Variants in EPHA6 observed in about 807,000 individuals in gnomAD.
EPHA6 encodes the protein EPH receptor A6.
Under a neutral mutation model 112.0 loss-of-function variants are expected in EPHA6, and 50 were observed. That is an observed-to-expected ratio of 0.45 (90% CI 0.36 to 0.56). The LOEUF (loss-of-function observed/expected upper bound fraction) is 0.56. Among genes scored for constraint, EPHA6 ranks in the 20% least tolerant of loss-of-function variants. The pLI is 0.00. For synonymous variants in EPHA6, 529 were observed against 490.7 expected, an observed-to-expected ratio of 1.08 and a Z score of -1.03; for missense variants, 1,280 against 1,417.4, an observed-to-expected ratio of 0.90 and a Z score of 1.56.
intron 2 of EPHA6, among the ~76,000 whole-genome samples, chr3:96,938,368 C>T (rs539490842): frequency 6.6e-6 from 1 of 150,562 alleles, no homozygotes; most frequent in Admixed American, 6.6e-5. Context: ...CTCTTTGAAG[C>T]AATTGTGAAT....
At chr3:97,090,811 T>G (rs1054379380) in intron 3 of EPHA6, among the ~76,000 whole-genome samples, 1 of 151,996 alleles carries the variant, frequency 6.6e-6, no homozygotes, top group Non-Finnish European at 1.5e-5. Flanking sequence ...TCTAGAAACT[T>G]AGAGAGTTGA....
intron 3 of EPHA6, among the ~76,000 whole-genome samples, chr3:97,166,983 G>A (rs925436105): frequency 2.6e-5 from 4 of 152,024 alleles, no homozygotes; most frequent in African/African-American, 9.7e-5. Context: ...ATTCACCAAG[G>A]CATGGACATA....
rs139502297 is a variant in EPHA6, at chr3:97,589,458, GATAATA to G, written c.2387-3142_2387-3137del. Among the ~76,000 whole-genome samples the G allele has an allele frequency of 3.8e-3, 570 of 151,898 alleles. 3 individuals are homozygous for G. Among genetic ancestry groups the G allele is most frequent in the African/African-American group, 0.013 (548 of 41,450 alleles). ...GACCTATTAACTAGCAACTTTTTAA[GATAATA>G]ATAATAATAATTCTTTACTAACGTA... is the stretch of plus-strand genomic sequence containing the variant. On this transcript the variant is annotated intron_variant, in intron 11 of 17. Transcript: ENST00000389672.
chr3:97,007,424 G>T (rs2043922932), intron 3 of EPHA6, among the ~76,000 whole-genome samples: 1 of 84,838 alleles, frequency 1.2e-5, no homozygotes, highest in Non-Finnish European at 2.2e-5. Context: ...TAGGATTGCG[G>T]TCCCTGCTTT....
intron 3 of EPHA6, among the ~76,000 whole-genome samples, chr3:97,188,480 T>C (rs1292820383): frequency 6.6e-6 from 1 of 151,908 alleles, no homozygotes; most frequent in Non-Finnish European, 1.5e-5. Flanking sequence ...GGAGAAGAAG[T>C]AGCAAAACAA....
chr3:97,412,623 A>G (rs539101958), intron 6 of EPHA6, among the ~76,000 whole-genome samples: 39 of 152,188 alleles, frequency 2.6e-4, no homozygotes, highest in Middle Eastern at 6.8e-3. Context: ...GTTTTCAGTG[A>G]AAATATTATG....
intron 14 of EPHA6, among the ~76,000 whole-genome samples, chr3:97,665,453 T>C (rs2029936143): frequency 6.6e-6 from 1 of 152,168 alleles, no homozygotes; most frequent in Non-Finnish European, 1.5e-5. Flanking sequence ...TTAAAATAAA[T>C]ATTTAGAAAG....
At chr3:97,628,988 A>G (rs1035592539) in intron 13 of EPHA6, among the ~76,000 whole-genome samples, 9 of 152,008 alleles carry the variant, frequency 5.9e-5, no homozygotes, top group African/African-American at 2.2e-4. Flanking sequence ...GCTGGAGTGT[A>G]GTGGCGTGAT....
At chr3:97,356,998 T>C (rs2084113810) in intron 5 of EPHA6, among the ~76,000 whole-genome samples, 1 of 152,184 alleles carries the variant, frequency 6.6e-6, no homozygotes, top group African/African-American at 2.4e-5. Flanking sequence ...TTATGTCTTC[T>C]TGCTGTATTG....
At chr3:97,554,971 G>T (rs1005198559) in intron 11 of EPHA6, among the ~76,000 whole-genome samples, 1 of 151,208 alleles carries the variant, frequency 6.6e-6, no homozygotes, top group Non-Finnish European at 1.5e-5. Flanking sequence ...GGTTACATGT[G>T]TACAATGTGC....
intron 3 of EPHA6, among the ~76,000 whole-genome samples, chr3:97,157,547 T>C (rs1431947529): frequency 6.6e-6 from 1 of 151,482 alleles, no homozygotes; most frequent in Admixed American, 6.6e-5. Context: ...AGACAGAGAG[T>C]GATTATAATA....
chr3:97,559,668 GA>G (rs1442479099), intron 11 of EPHA6: 1 of 455,174 alleles, frequency 2.2e-6, no homozygotes, highest in Non-Finnish European at 4.4e-6. Flanking sequence ...CAAGGTACCT[GA>G]AAAGCAATAG....
At chr3:97,075,467 TTCTAGAAAACCTAAAGCA>T (rs2046487157) in intron 3 of EPHA6, among the ~76,000 whole-genome samples, 1 of 152,054 alleles carries the variant, frequency 6.6e-6, no homozygotes, top group Non-Finnish European at 1.5e-5. Flanking sequence ...TATGTTTAGC[TTCTAGAAAACCTAAAGCA>T]CTGTAACTTA....
intron 5 of EPHA6, among the ~76,000 whole-genome samples, chr3:97,248,503 CAT>C (rs1432309971): frequency 6.6e-6 from 1 of 152,046 alleles, no homozygotes; most frequent in Non-Finnish European, 1.5e-5. Context: ...GATATCCTGA[CAT>C]GTGCAAAAAC....
chr3:97,439,605 A>G, intron 6 of EPHA6: 1 of 1,005,746 alleles, frequency 9.9e-7, no homozygotes, highest in Non-Finnish European at 1.2e-6. Flanking sequence ...TGGAGAATCC[A>G]AGGCAGAGTG....
intron 2 of EPHA6, among the ~76,000 whole-genome samples, chr3:96,943,585 A>T (rs1399860644): frequency 6.6e-6 from 1 of 152,258 alleles, no homozygotes; most frequent in Non-Finnish European, 1.5e-5. Context: ...CAAATGATGT[A>T]TTTAAAAACA....
intron 2 of EPHA6, among the ~76,000 whole-genome samples, chr3:96,892,940 TTATA>T (rs533405941): frequency 6.9e-5 from 10 of 145,428 alleles, no homozygotes; most frequent in South Asian, 4.3e-4. Flanking sequence ...TGATTCCAAC[TTATA>T]TATATATATA....
intron 15 of EPHA6, among the ~76,000 whole-genome samples, chr3:97,722,983 A>G (rs2034598665): frequency 6.6e-6 from 1 of 152,198 alleles, no homozygotes; most frequent in South Asian, 2.1e-4. Flanking sequence ...CTCACTTTCA[A>G]TAAGTACAAG....
At chr3:97,147,067 C>G (rs1285239144) in intron 3 of EPHA6, among the ~76,000 whole-genome samples, 6 of 152,030 alleles carry the variant, frequency 3.9e-5, no homozygotes, top group African/African-American at 1.4e-4. Context: ...ATCATATGCT[C>G]AAACCACACT....
Sources: gnomAD v4.1 joint callset for allele counts (sites outside exome capture counted in the v4.1 genomes callset) on GRCh38, gnomAD v4.1.1 for gene constraint, MANE v1.5 for transcripts, NCBI Gene and HGNC (gene_info 2026-07-23, HGNC 2026-07-21) for gene names.